PRDM16: variants seen among roughly 807,000 people sequenced by gnomAD.
The protein encoded by PRDM16 is histone-lysine N-methyltransferase PRDM16.
A neutral mutation model predicts 110.6 loss-of-function variants in PRDM16; 23 were observed. That is an observed-to-expected ratio of 0.21 (90% CI 0.15 to 0.29). The LOEUF is 0.29. PRDM16 is among the 10% of genes least tolerant of loss of function. The pLI, the probability that PRDM16 is intolerant of heterozygous loss-of-function variation, is 1.00. For missense variants in PRDM16, 1,615 were observed against 1,794.3 expected (o/e 0.90, Z 1.81); for synonymous variants, 799 against 781.8 (o/e 1.02, Z -0.37).
At chr1:3,268,316 AAAG>A (rs1220699141) in intron 3 of PRDM16, among the ~76,000 whole-genome samples, 2 of 152,262 alleles carry the variant, frequency 1.3e-5, no homozygotes, top group Non-Finnish European at 2.9e-5. Flanking sequence ...GATAATTAAA[AAAG>A]AAGGCTTATT....
At chr1:3,072,692 C>T (rs1471722775) in intron 1 of PRDM16, among the ~76,000 whole-genome samples, 1 of 152,226 alleles carries the variant, frequency 6.6e-6, no homozygotes, top group African/African-American at 2.4e-5. Flanking sequence ...CCAGTCCCCT[C>T]CCCAGAGCCA....
intron 1 of PRDM16, among the ~76,000 whole-genome samples, chr1:3,107,628 A>G (rs1011455276): frequency 1.3e-5 from 2 of 152,172 alleles, no homozygotes; most frequent in Non-Finnish European, 2.9e-5. Flanking sequence ...AACCCCGTGA[A>G]GGTGTCACAA....
At chr1:3,176,709 TATCCATCC>T (rs111683546) in intron 1 of PRDM16, among the ~76,000 whole-genome samples, 44 of 144,014 alleles carry the variant, frequency 3.1e-4, no homozygotes, top group African/African-American at 8.2e-4. Context: ...TCTGTCCATC[TATCCATCC>T]ATCCATCCAT....
intron 1 of PRDM16, among the ~76,000 whole-genome samples, chr1:3,091,997 C>T (rs183773734): frequency 3.3e-5 from 5 of 152,348 alleles, no homozygotes; most frequent in East Asian, 1.9e-4. Context: ...AGCCCCAGGA[C>T]GGCTTCATGG....
intron 3 of PRDM16, among the ~76,000 whole-genome samples, chr1:3,315,184 C>CCTCCCTCTCCCT (rs372326389): frequency 6.8e-5 from 10 of 147,112 alleles, no homozygotes; most frequent in African/African-American, 2.4e-4. Flanking sequence ...TCCCTCCCAC[C>CCTCCCTCTCCCT]CTCCCTCTCC....
At position 3,302,701 on chromosome 1, in the gene PRDM16, G is replaced by A. The variant is rs186698379; in HGVS notation, c.438+58564G>A. ...TGCAGACAACACTTTAGCACTGTGC[G>A]TGGGGCCATTTTAAACAGTGAAATC... is the stretch of plus-strand genomic sequence containing the variant. On this transcript the variant is annotated intron_variant, in intron 3 of 16. Transcript: ENST00000270722. Among the ~76,000 whole-genome samples, 400 of 152,296 alleles carry A rather than the reference G, an allele frequency of 2.6e-3. 7 individuals are homozygous for A. In the South Asian group the frequency reaches 0.03, roughly 12 times the overall value.
chr1:3,164,503 A>G (rs928890327), intron 1 of PRDM16, among the ~76,000 whole-genome samples: 2 of 152,192 alleles, frequency 1.3e-5, no homozygotes, highest in Non-Finnish European at 2.9e-5. Flanking sequence ...TTCAAATTGG[A>G]AACCTGCACC....
chr1:3,107,880 T>G (rs1001939101), intron 1 of PRDM16, among the ~76,000 whole-genome samples: 9 of 152,266 alleles, frequency 5.9e-5, no homozygotes, highest in African/African-American at 1.9e-4. Flanking sequence ...GCCATGTGTC[T>G]AGCCTGGGGC....
At chr1:3,091,000 T>A (rs1385804203) in intron 1 of PRDM16, among the ~76,000 whole-genome samples, 1 of 150,732 alleles carries the variant, frequency 6.6e-6, no homozygotes, top group East Asian at 2.0e-4. Context: ...CTCAGGAAAG[T>A]CACGTTTCTC....
intron 1 of PRDM16, among the ~76,000 whole-genome samples, chr1:3,181,664 A>ACGTG (rs1553141189): frequency 1.8e-5 from 2 of 113,882 alleles, no homozygotes; most frequent in East Asian, 3.9e-4. Context: ...ACGGTCTTAC[A>ACGTG]CAGTCTTACA....
At chr1:3,089,915 C>CTCATTCAT (rs60239912) in intron 1 of PRDM16, among the ~76,000 whole-genome samples, 67,657 of 151,446 alleles carry the variant, frequency 0.45, 16,061 homozygotes, top group African/African-American at 0.62. Context: ...CTAAAATCCA[C>CTCATTCAT]TCATTCATTC....
At chr1:3,311,703 G>A (rs944187508) in intron 3 of PRDM16, among the ~76,000 whole-genome samples, 3 of 152,168 alleles carry the variant, frequency 2.0e-5, no homozygotes, top group African/African-American at 7.2e-5. Context: ...CGACCCCGAA[G>A]GCACCCCCAA....
chr1:3,334,731 G>A (rs889350194), intron 3 of PRDM16, among the ~76,000 whole-genome samples: 1 of 152,208 alleles, frequency 6.6e-6, no homozygotes, highest in Admixed American at 6.5e-5. Context: ...CCTTCTCACG[G>A]ATCTCAGCTC....
At chr1:3,149,103 G>A (rs938478053) in intron 1 of PRDM16, among the ~76,000 whole-genome samples, 1 of 152,214 alleles carries the variant, frequency 6.6e-6, no homozygotes, top group Non-Finnish European at 1.5e-5. Context: ...GGCAAGCTGG[G>A]AGAGATGGAA....
At chr1:3,159,168 G>A (rs1285180334) in intron 1 of PRDM16, among the ~76,000 whole-genome samples, 4 of 152,240 alleles carry the variant, frequency 2.6e-5, no homozygotes, top group Non-Finnish European at 5.9e-5. Context: ...AAGCAGACAG[G>A]GAGGCTGGAG....
chr1:3,293,531 C>T (rs979628791), intron 3 of PRDM16, among the ~76,000 whole-genome samples: 4 of 152,216 alleles, frequency 2.6e-5, no homozygotes, highest in African/African-American at 4.8e-5. Context: ...CAGTGAACTC[C>T]GCGCTGCACT....
rs575145137 is a variant in PRDM16 at position 3,284,141 on chromosome 1, G to A, written c.438+40004G>A. 2.4e-3 allele frequency among the ~76,000 whole-genome samples: 370 copies of A among 152,364 alleles called. 5 individuals are homozygous for A. The South Asian group carries it at 0.028, about 12-fold the overall frequency. On this transcript the variant is annotated intron_variant, in intron 3 of 16. Coordinates refer to ENST00000270722, the MANE Select transcript of PRDM16 (RefSeq NM_022114.4). ...CCACCCGTAGCCCGCCCGGGAAGCT[G>A]GGGTGGAGGCGCCCTCTATCGCCTG...
Position 3,081,904 on chromosome 1 carries a change from C to T in PRDM16, c.37+12608C>T, listed in dbSNP as rs78789560. Among the ~76,000 whole-genome samples the T allele has an allele frequency of 0.013, 1,962 of 152,324 alleles. 19 individuals are homozygous for T. Among genetic ancestry groups the T allele is most frequent in the Middle Eastern group, 0.024 (7 of 294 alleles). On this transcript the variant is annotated intron_variant, in intron 1 of 16. Transcript: ENST00000270722. The surrounding 1 kb of genome is among the most constrained non-coding windows in gnomAD (Gnocchi z 4.6). ...CCCCTCACAGACCCAGAGGCAGAGG[C>T]CTTCAGGGCCAGCAGTCAGGATGGG...
chr1:3,321,659 A>ATGTGTGGGTGCACGTGTG (rs1170201288), intron 3 of PRDM16, among the ~76,000 whole-genome samples: 1 of 144,616 alleles, frequency 6.9e-6, no homozygotes, highest in African/African-American at 2.6e-5. Context: ...GATGTGCCCA[A>ATGTGTGGGTGCACGTGTG]TGTGTGGGTG....
Sources: gnomAD v4.1 joint callset for allele counts (sites outside exome capture counted in the v4.1 genomes callset) on GRCh38, gnomAD v4.1.1 for gene constraint, Gnocchi (gnomAD v3.1) non-coding constraint, MANE v1.5 for transcripts, NCBI Gene and HGNC (gene_info 2026-07-23, HGNC 2026-07-21) for gene names.